The following LRBA variants were observed in gnomAD, a reference collection of about 807,000 sequenced individuals.
The protein encoded by LRBA is lipopolysaccharide-responsive and beige-like anchor protein.
LRBA carries 176 observed loss-of-function variants against 330.0 expected under a neutral mutation model. The ratio of observed to expected loss-of-function variants is 0.53; its 90% CI spans 0.47 to 0.60. The LOEUF (loss-of-function observed/expected upper bound fraction) is 0.60. LRBA is among the 20% of genes least tolerant of loss of function. The probability of loss-of-function intolerance (pLI) is 0.00; values close to 1 mark genes in which losing one functional copy is unlikely to be tolerated. For synonymous variants in LRBA, 1,230 were observed against 1,193.0 expected (o/e 1.03, Z -0.64); for missense variants, 3,259 against 3,444.8 (o/e 0.95, Z 1.35).
At chr4:150,684,233 T>C (rs1391137834) in intron 36 of LRBA, among the ~76,000 whole-genome samples, 1 of 152,156 alleles carries the variant, frequency 6.6e-6, no homozygotes, top group African/African-American at 2.4e-5. Flanking sequence ...GAATGGATTG[T>C]AGTGGGACAA....
At chr4:150,598,783 T>G (rs572424878) in intron 38 of LRBA, among the ~76,000 whole-genome samples, 103 of 152,212 alleles carry the variant, frequency 6.8e-4, no homozygotes, top group Non-Finnish European at 1.0e-3. Flanking sequence ...GGGTCTATGT[T>G]AAGTAAGTTT....
intron 37 of LRBA, among the ~76,000 whole-genome samples, chr4:150,618,964 TAGAG>T (rs1346873602): frequency 2.0e-5 from 3 of 151,690 alleles, no homozygotes; most frequent in African/African-American, 7.3e-5. Context: ...ATAATCATGT[TAGAG>T]AGAGAGAACA....
At chr4:150,326,138 G>C (rs1051355898) in intron 48 of LRBA, among the ~76,000 whole-genome samples, 4 of 152,146 alleles carry the variant, frequency 2.6e-5, no homozygotes, top group Non-Finnish European at 5.9e-5. Context: ...TCAGTGATAT[G>C]AAACAGAAAC....
chr4:150,520,599 T>C (rs1471801114), intron 40 of LRBA, among the ~76,000 whole-genome samples: 13 of 152,228 alleles, frequency 8.5e-5, no homozygotes, highest in African/African-American at 2.4e-5. Context: ...TGGAATACTA[T>C]GCAGCCATAA....
chr4:150,602,993 C>T (rs1034460016), intron 37 of LRBA, among the ~76,000 whole-genome samples: 58 of 152,060 alleles, frequency 3.8e-4, no homozygotes, highest in African/African-American at 1.4e-3. Flanking sequence ...GTATCTATCC[C>T]CAAAAGTTAT....
At chr4:150,905,700 G>T in intron 13 of LRBA, 138 bp downstream of exon 13, 1 of 662,302 alleles carries the variant, frequency 1.5e-6, no homozygotes, top group Non-Finnish European at 2.5e-6. Context: ...AAAAAAGGAT[G>T]CTTAGTCAAA....
chr4:150,509,785 G>A (rs1761620403), intron 40 of LRBA, among the ~76,000 whole-genome samples: 1 of 152,166 alleles, frequency 6.6e-6, no homozygotes, highest in Non-Finnish European at 1.5e-5. Flanking sequence ...AAAAGGATAA[G>A]GGGATATCAT....
chr4:150,950,472 A>C (rs574850181), intron 2 of LRBA, among the ~76,000 whole-genome samples: 13 of 152,210 alleles, frequency 8.5e-5, no homozygotes, highest in Admixed American at 5.9e-4. Context: ...TACATTTTTA[A>C]ATTTGATAGT....
chr4:151,001,267 G>A (rs950951296), intron 2 of LRBA, among the ~76,000 whole-genome samples: 17 of 152,248 alleles, frequency 1.1e-4, no homozygotes, highest in Non-Finnish European at 7.4e-5. Flanking sequence ...GCCGACCTAG[G>A]CTGCCACCAT....
At position 150,870,443 on chromosome 4, in the gene LRBA, A is replaced by G. The variant is rs1753284497; in HGVS notation, c.2449+82T>C. On this transcript the variant is annotated intron_variant, in intron 20 of 56. Coordinates refer to ENST00000651943, the MANE Select transcript of LRBA (RefSeq NM_001364905.1). Reference sequence around the variant, plus strand: ...CATTCATCTAACAATCTGTTTCAACAACATCAATTTTAGGTTGTTCACAGT... The same window carrying G: ...CATTCATCTAACAATCTGTTTCAACGACATCAATTTTAGGTTGTTCACAGT... The G allele has an allele frequency of 5.1e-6, 4 of 776,924 alleles. No individual in the cohort carries two copies. In the Admixed American group the frequency reaches 7.3e-5, roughly 14 times the overall value. The allele number at this position is 776,924 out of a possible 1,614,324, so 48.1% of individuals were successfully genotyped here.
At chr4:151,003,812 A>T (rs1313951778) in intron 2 of LRBA, among the ~76,000 whole-genome samples, 1 of 151,928 alleles carries the variant, frequency 6.6e-6, no homozygotes, top group Non-Finnish European at 1.5e-5. Flanking sequence ...GAAAAGAAAA[A>T]ACCAACACAT....
chr4:150,373,346 C>T (rs1740757908), intron 47 of LRBA, among the ~76,000 whole-genome samples: 1 of 152,024 alleles, frequency 6.6e-6, no homozygotes, highest in African/African-American at 2.4e-5. Flanking sequence ...ACCAATACAA[C>T]TCCTGGTCCA....
chr4:150,941,921 G>T (rs1390266595), intron 2 of LRBA, among the ~76,000 whole-genome samples: 1 of 152,042 alleles, frequency 6.6e-6, no homozygotes, highest in East Asian at 1.9e-4. Context: ...TCTCTACTGG[G>T]ATTCTAAATC....
At chr4:150,663,706 G>A (rs921154804) in intron 37 of LRBA, among the ~76,000 whole-genome samples, 7 of 152,028 alleles carry the variant, frequency 4.6e-5, no homozygotes, top group Admixed American at 2.0e-4. Flanking sequence ...TTAATGTTAC[G>A]GGCTTCTACT....
intron 40 of LRBA, among the ~76,000 whole-genome samples, chr4:150,514,573 C>G (rs1429376748): frequency 6.6e-6 from 1 of 152,166 alleles, no homozygotes; most frequent in African/African-American, 2.4e-5. Flanking sequence ...CTGTGTGTCT[C>G]TAATAGAGCT....
At chr4:150,453,757 A>C (rs1753679258) in intron 44 of LRBA, among the ~76,000 whole-genome samples, 1 of 152,138 alleles carries the variant, frequency 6.6e-6, no homozygotes, top group Non-Finnish European at 1.5e-5. Flanking sequence ...CAGAGCTCAC[A>C]GGTTGGGAAC....
At chr4:150,774,364 G>A (rs940520529) in intron 34 of LRBA, among the ~76,000 whole-genome samples, 5 of 152,202 alleles carry the variant, frequency 3.3e-5, no homozygotes, top group Admixed American at 6.5e-5. Context: ...CCACCCAGCC[G>A]AGACCAGGAC....
chr4:150,709,778 A>C (rs755179584), intron 36 of LRBA, among the ~76,000 whole-genome samples: 1 of 152,028 alleles, frequency 6.6e-6, no homozygotes, highest in Non-Finnish European at 1.5e-5. Context: ...ATGAGATATT[A>C]TAACAGAAAG....
chr4:150,448,073 A>G (rs1752831564), intron 44 of LRBA, among the ~76,000 whole-genome samples: 1 of 152,216 alleles, frequency 6.6e-6, no homozygotes, highest in Non-Finnish European at 1.5e-5. Context: ...TTTCCTACTA[A>G]AAGGAACCAG....
Sources: gnomAD v4.1 joint callset for allele counts (sites outside exome capture counted in the v4.1 genomes callset) on GRCh38, gnomAD v4.1.1 for gene constraint, MANE v1.5 for transcripts, NCBI Gene and HGNC (gene_info 2026-07-23, HGNC 2026-07-21) for gene names.